Variants in NRP1 observed in about 807,000 individuals in gnomAD.
The protein encoded by NRP1 is neuropilin-1.
Under a neutral mutation model 106.7 loss-of-function variants are expected in NRP1, and 35 were observed. The ratio of observed to expected loss-of-function variants is 0.33; its 90% CI spans 0.25 to 0.43. NRP1 has a LOEUF of 0.43. Ranked by LOEUF, NRP1 falls within the 20% of genes least tolerant of loss-of-function variation. The pLI is 1.00. For missense variants in NRP1, 1,024 were observed against 1,170.4 expected (o/e 0.87, Z 1.83); for synonymous variants, 437 against 417.9 (o/e 1.05, Z -0.56).
intron 6 of NRP1, among the ~76,000 whole-genome samples, chr10:33,243,857 C>A: frequency 6.9e-6 from 1 of 145,186 alleles, no homozygotes; most frequent in African/African-American, 2.6e-5. Context: ...TATTTGAATC[C>A]AGAATTGAAT....
intron 2 of NRP1, among the ~76,000 whole-genome samples, chr10:33,298,455 C>T (rs1346506289): frequency 6.6e-6 from 1 of 152,110 alleles, no homozygotes; most frequent in African/African-American, 2.4e-5. Context: ...AATGTTCTAA[C>T]CATATAGAGT....
At chr10:33,285,106 A>G (rs1445124181) in intron 2 of NRP1, among the ~76,000 whole-genome samples, 1 of 152,208 alleles carries the variant, frequency 6.6e-6, no homozygotes, top group Non-Finnish European at 1.5e-5. Context: ...GTTTCTGGCT[A>G]AACAAGTACG....
intron 2 of NRP1, chr10:33,288,523 C>T (rs1844751198): frequency 1.3e-5 from 2 of 152,178 alleles, no homozygotes; most frequent in South Asian, 4.2e-4. Flanking sequence ...CACTACAGCC[C>T]AGAACGCCTA....
At chr10:33,202,695 G>T (rs755741596) in intron 11 of NRP1, 196 bp downstream of exon 11, 2 of 1,550,390 alleles carry the variant, frequency 1.3e-6, no homozygotes, top group Non-Finnish European at 8.7e-7. Context: ...GTTACAAATG[G>T]TTGTGGCTAT....
rs147946014 is a variant in NRP1, at chr10:33,261,733, A to G, written c.658+1913T>C. 5.9e-5 allele frequency among the ~76,000 whole-genome samples: 9 copies of G among 152,104 alleles called. No individual in the cohort carries two copies. The East Asian group carries it at 1.5e-3, about 26-fold the overall frequency. On this transcript the variant is annotated intron_variant, in intron 4 of 16. Transcript: ENST00000374867. Reference sequence around the variant, plus strand: ...CAAAGACTAAGGCAATCTCCTTTACATTTTACTTATTCTTTTTTTTAAAAC... The same window carrying G: ...CAAAGACTAAGGCAATCTCCTTTACGTTTTACTTATTCTTTTTTTTAAAAC...
intron 8 of NRP1, among the ~76,000 whole-genome samples, chr10:33,219,380 C>T (rs1166224144): frequency 6.6e-6 from 1 of 152,162 alleles, no homozygotes; most frequent in East Asian, 1.9e-4. Flanking sequence ...ATGTGACTAT[C>T]GTAACGTGTT....
chr10:33,230,601 G>A (rs1840040538), intron 6 of NRP1, among the ~76,000 whole-genome samples: 1 of 27,982 alleles, frequency 3.6e-5, no homozygotes, highest in African/African-American at 4.7e-4. Context: ...TCATATATGT[G>A]TGTGTGTGTG....
chr10:33,196,672 G>A (rs946078194), intron 12 of NRP1, among the ~76,000 whole-genome samples: 1 of 152,162 alleles, frequency 6.6e-6, no homozygotes, highest in Non-Finnish European at 1.5e-5. Flanking sequence ...GCAGCTGGGG[G>A]TTAAGTTTGA....
chr10:33,221,750 C>T lies in NRP1; in HGVS notation c.1251G>A (p.Met417Ile). The T allele has an allele frequency of 1.2e-6, 2 of 1,614,146 alleles. No homozygotes were observed. The highest frequency in any genetic ancestry group is 1.7e-6 in the Non-Finnish European group (2 of 1,180,000). ...KPATWETGIS[M>I]RFEVYGCKIT... is the part of the protein sequence containing the mutation. ...TCTTGCAACCGTATACTTCAAATCT[C>T]ATAGATATGCCAGTTTCCCAAGTTG... The change falls in exon 8 of 17, where the codon ATG becomes ATA. Residue 417 changes from methionine (M) to isoleucine (I), a missense_variant. By Grantham distance (10) the Met-to-Ile change is conservative. This residue lies in a region of NRP1 where 562 missense variants were observed against 620.3 expected (regional missense o/e 0.91). Coordinates refer to ENST00000374867, the MANE Select transcript of NRP1 (RefSeq NM_003873.7).
At chr10:33,188,603 G>A (rs560865553) in intron 13 of NRP1, among the ~76,000 whole-genome samples, 25 of 152,084 alleles carry the variant, frequency 1.6e-4, no homozygotes, top group South Asian at 6.2e-4. Flanking sequence ...GTGGCCGGGC[G>A]CGGTGGTCCA....
In NRP1 at chr10:33,213,388, T is replaced by G; in HGVS notation, c.1612A>C (p.Lys538Gln). The change falls in exon 9 of 17, where the codon AAG (lysine) becomes CAG (glutamine). Residue 538 changes from lysine (K) to glutamine (Q), a missense_variant and splice_region_variant. By Grantham distance (53) the Lys-to-Gln change is moderately conservative. Transcript: ENST00000374867. Reference protein sequence around the residue: ...MIMDDSKRKAKSFEGNNNYDT... With the variant: ...MIMDDSKRKAQSFEGNNNYDT... The stretch of plus-strand genomic sequence containing the variant: ...TCCTCCCAGTCCCCAGCCCTCACCT[T>G]CGCCTTGCGTTTGCTGTCATCCATG... 6.2e-7 allele frequency: 1 copy of G among 1,613,900 alleles called. No individual in the cohort carries two copies. Among genetic ancestry groups the G allele is most frequent in the Non-Finnish European group, 8.5e-7 (1 of 1,180,010 alleles).
At chr10:33,332,111 T>C (rs1325678609) in intron 1 of NRP1, among the ~76,000 whole-genome samples, 3 of 152,158 alleles carry the variant, frequency 2.0e-5, no homozygotes, top group African/African-American at 7.2e-5. Context: ...TGCATAAAGC[T>C]ACATGCATTA....
chr10:33,238,921 G>GTGTGTGT (rs1840788696), intron 6 of NRP1, among the ~76,000 whole-genome samples: 1 of 151,848 alleles, frequency 6.6e-6, no homozygotes, highest in African/African-American at 2.4e-5. Context: ...GTGTGTGTGT[G>GTGTGTGT]TGTGTGTGTG....
intron 6 of NRP1, among the ~76,000 whole-genome samples, chr10:33,233,881 A>G (rs78656993): frequency 0.069 from 10,494 of 152,278 alleles, 395 homozygotes; most frequent in Middle Eastern, 0.13. Flanking sequence ...ATTTCCTTAG[A>G]TAAAACACAT....
At chr10:33,293,665 G>A (rs1845166282) in intron 2 of NRP1, among the ~76,000 whole-genome samples, 1 of 152,184 alleles carries the variant, frequency 6.6e-6, no homozygotes, top group Non-Finnish European at 1.5e-5. Flanking sequence ...TCAGCAAAGA[G>A]GGGAGAGAAA....
chr10:33,286,099 C>T (rs1165753365), intron 2 of NRP1, among the ~76,000 whole-genome samples: 1 of 152,192 alleles, frequency 6.6e-6, no homozygotes, highest in Non-Finnish European at 1.5e-5. Flanking sequence ...CGTGATTTCA[C>T]TTCCCTATGA....
intron 6 of NRP1, among the ~76,000 whole-genome samples, chr10:33,246,807 C>A (rs1401904283): frequency 6.6e-6 from 1 of 152,126 alleles, no homozygotes; most frequent in Non-Finnish European, 1.5e-5. Context: ...AGTTAATACA[C>A]CCCCTAAAGT....
chr10:33,260,490 CT>C (rs1458829509), intron 4 of NRP1, among the ~76,000 whole-genome samples: 1 of 152,148 alleles, frequency 6.6e-6, no homozygotes, highest in Non-Finnish European at 1.5e-5. Context: ...GTTCCAGCCC[CT>C]TTTGCCAGCT....
At chr10:33,240,452 G>A (rs763589084) in intron 6 of NRP1, among the ~76,000 whole-genome samples, 1 of 152,164 alleles carries the variant, frequency 6.6e-6, no homozygotes, top group African/African-American at 2.4e-5. Context: ...TATTGGTTTT[G>A]CAGTTAATCA....
Sources: allele counts gnomAD v4.1 joint callset (sites outside exome capture counted in the v4.1 genomes callset), GRCh38; gene constraint gnomAD v4.1.1; regional missense constraint gnomAD v4.1.1; transcripts MANE v1.5; gene names NCBI Gene and HGNC (gene_info 2026-07-23, HGNC 2026-07-21).